Variants in DGKD observed in about 807,000 individuals in gnomAD.
The protein encoded by DGKD is DAG kinase delta.
DGKD carries 68 observed loss-of-function variants against 154.4 expected under a neutral mutation model. The ratio of observed to expected loss-of-function variants is 0.44; its 90% CI spans 0.36 to 0.54. The LOEUF is 0.54. Ranked by LOEUF, DGKD falls within the 20% of genes least tolerant of loss-of-function variation. The probability of loss-of-function intolerance (pLI) is 0.00; values close to 1 mark genes in which losing one functional copy is unlikely to be tolerated. For synonymous variants in DGKD, 693 were observed against 638.0 expected (o/e 1.09, Z -1.30); for missense variants, 1,343 against 1,593.6 (o/e 0.84, Z 2.68).
rs772152579 is a variant in DGKD at position 233,388,275 on chromosome 2, A to T, written c.175A>T (p.Met59Leu). 1.2e-6 allele frequency: 2 copies of T among 1,613,936 alleles called. No homozygotes were observed. Among genetic ancestry groups the T allele is most frequent in the Non-Finnish European group, 8.5e-7 (1 of 1,179,968 alleles). ...IRQKTIIKEG[M>L]LTKQNNSFQR... is the part of the protein sequence containing the mutation. ...CTTTCAGACCATCATCAAAGAGGGG[A>T]TGCTGACCAAACAGAACAATTCATT... The change falls in exon 2 of 30, where the codon ATG becomes TTG. Residue 59 changes from methionine (M) to leucine (L), a missense_variant. Transcript: ENST00000264057.
At chr2:233,408,455 G>C (rs986370768) in intron 3 of DGKD, among the ~76,000 whole-genome samples, 1 of 152,380 alleles carries the variant, frequency 6.6e-6, no homozygotes, top group Non-Finnish European at 1.5e-5. Flanking sequence ...GTCCTCTTGA[G>C]TGTGAAGTGT....
chr2:233,387,132 C>T (rs1703232614), intron 1 of DGKD, among the ~76,000 whole-genome samples: 1 of 152,224 alleles, frequency 6.6e-6, no homozygotes, highest in Admixed American at 6.5e-5. Context: ...GGGACATGAG[C>T]CTCCTGTGTC....
At chr2:233,400,159 G>C (rs1384298556) in intron 3 of DGKD, among the ~76,000 whole-genome samples, 4 of 152,186 alleles carry the variant, frequency 2.6e-5, no homozygotes, top group Non-Finnish European at 5.9e-5. Context: ...ATGGTGGCTG[G>C]TGTCAGAGTC....
In DGKD at chr2:233,457,713, C is replaced by G; in HGVS notation, c.2580+385C>G. ...AATTGCACAGATGAAGGCTCAGAGT[C>G]AAGACAGGGCAGGCACATGGAGGAT... is the stretch of plus-strand genomic sequence containing the variant. On this transcript the variant is annotated intron_variant, in intron 21 of 29. Coordinates refer to ENST00000264057, the MANE Select transcript of DGKD (RefSeq NM_152879.3). The surrounding 1 kb of genome is among the most constrained non-coding windows in gnomAD (Gnocchi z 5.5). The G allele has an allele frequency of 2.5e-6, 1 of 396,978 alleles. No individual in the cohort carries two copies. Among genetic ancestry groups the G allele is most frequent in the East Asian group, 7.0e-5 (1 of 14,326 alleles). 24.6% of individuals were successfully genotyped at this position (396,978 alleles called of 1,614,324 possible).
At chr2:233,436,176 A>G in intron 6 of DGKD, 140 bp from the exon 7 acceptor site, 1 of 1,409,998 alleles carries the variant, frequency 7.1e-7, no homozygotes, top group Non-Finnish European at 9.7e-7. Flanking sequence ...AGGCCCTGCC[A>G]TCCCTTCCCT....
Position 233,366,563 on chromosome 2 carries a change from C to T in DGKD, c.156+11889C>T, listed in dbSNP as rs77958252. Among the ~76,000 whole-genome samples the T allele has an allele frequency of 5.0e-3, 754 of 152,252 alleles. 10 individuals carry two copies. Among genetic ancestry groups the T allele is most frequent in the African/African-American group, 0.017 (711 of 41,534 alleles). On this transcript the variant is annotated intron_variant, in intron 1 of 29. Coordinates refer to ENST00000264057, the MANE Select transcript of DGKD (RefSeq NM_152879.3). ...TTACCTGGCTCTGCTGCATGCTATC[C>T]TGGAACCTCTTATTCTCCACTACCC...
intron 3 of DGKD, among the ~76,000 whole-genome samples, chr2:233,414,020 CG>C (rs2061895432): frequency 6.6e-6 from 1 of 152,038 alleles, no homozygotes; most frequent in African/African-American, 2.4e-5. Flanking sequence ...AATTAGGAAG[CG>C]GGGGTTCTAG....
At chr2:233,460,089 A>G (rs1216838647) in intron 23 of DGKD, 105 bp from the exon 24 acceptor site, 3 of 1,490,958 alleles carry the variant, frequency 2.0e-6, no homozygotes, top group Non-Finnish European at 1.8e-6. Flanking sequence ...AAAAAGTCCT[A>G]TTTGTCTCTT....
At chr2:233,443,189 C>T (rs574574138) in intron 10 of DGKD, among the ~76,000 whole-genome samples, 1 of 152,332 alleles carries the variant, frequency 6.6e-6, no homozygotes, top group South Asian at 2.1e-4. Context: ...CCAAGCTGTT[C>T]ATCTCTTTAG....
intron 1 of DGKD, among the ~76,000 whole-genome samples, chr2:233,369,036 T>C (rs1702181708): frequency 6.6e-6 from 1 of 152,232 alleles, no homozygotes; most frequent in African/African-American, 2.4e-5. Flanking sequence ...TTTCCTTTTT[T>C]GGATTGGCTT....
intron 1 of DGKD, among the ~76,000 whole-genome samples, chr2:233,362,489 A>G (rs1185915127): frequency 6.6e-6 from 1 of 152,150 alleles, no homozygotes; most frequent in Non-Finnish European, 1.5e-5. Context: ...TGTGTCTACT[A>G]AAAGTACAAA....
chr2:233,395,564 CTTTCTTTTCT>C (rs201590976), intron 3 of DGKD, among the ~76,000 whole-genome samples: 4,879 of 151,568 alleles, frequency 0.032, 117 homozygotes, highest in Non-Finnish European at 0.056. Context: ...TTTCTTTTTC[CTTTCTTTTCT>C]TTTCTTTTTT....
chr2:233,376,501 C>T (rs980902827), intron 1 of DGKD, among the ~76,000 whole-genome samples: 1 of 152,124 alleles, frequency 6.6e-6, no homozygotes, highest in South Asian at 2.1e-4. Flanking sequence ...TCCATAAATA[C>T]TGATTATTTC....
chr2:233,442,688 C>T (rs1011376781), intron 10 of DGKD: 2 of 157,768 alleles, frequency 1.3e-5, no homozygotes, highest in African/African-American at 4.8e-5. Flanking sequence ...TCACTACAAC[C>T]TCTGCCTCCC....
At chr2:233,461,445 C>T (rs1559180188) in intron 24 of DGKD, among the ~76,000 whole-genome samples, 1 of 152,256 alleles carries the variant, frequency 6.6e-6, no homozygotes, top group East Asian at 1.9e-4. Flanking sequence ...TCATCACCGG[C>T]GTTCCTCGCT....
intron 1 of DGKD, among the ~76,000 whole-genome samples, chr2:233,378,198 G>T (rs1702689350): frequency 6.6e-6 from 1 of 151,744 alleles, no homozygotes. Flanking sequence ...TGGATTGCCT[G>T]AGCTCAGGAG....
At chr2:233,388,028 C>G in intron 1 of DGKD, 2 of 930,412 alleles carry the variant, frequency 2.1e-6, no homozygotes, top group Admixed American at 7.0e-5. Flanking sequence ...TCTTGACACC[C>G]CCACCCACAC....
Position 233,458,180 on chromosome 2 carries a change from G to A in DGKD, c.2581-104G>A, listed in dbSNP as rs191352198. 1.1e-4 allele frequency: 70 copies of A among 666,054 alleles called. 1 individual carries two copies. The highest frequency in any genetic ancestry group is 7.7e-4 in the South Asian group (38 of 49,496). The allele number at this position is 666,054 out of a possible 1,614,324, so 41.3% of individuals were successfully genotyped here. ...GAGTGCAGTTACCTGGTAACTTCTC[G>A]CCAGCTAGGAGGGGCTGACCCCCAG... On this transcript the variant is annotated intron_variant, in intron 21 of 29. Coordinates refer to ENST00000264057, the MANE Select transcript of DGKD (RefSeq NM_152879.3). The surrounding 1 kb of genome is among the most constrained non-coding windows in gnomAD (Gnocchi z 6.6).
chr2:233,448,252 G>A, intron 13 of DGKD, 24 bp from the exon 14 acceptor site: 1 of 1,614,150 alleles, frequency 6.2e-7, no homozygotes. Flanking sequence ...CTCTAGAAGG[G>A]TCTTTCTGTT....
Sources: gnomAD v4.1 joint callset for allele counts (sites outside exome capture counted in the v4.1 genomes callset) on GRCh38, gnomAD v4.1.1 for gene constraint, Gnocchi (gnomAD v3.1) non-coding constraint, MANE v1.5 for transcripts, NCBI Gene and HGNC (gene_info 2026-07-23, HGNC 2026-07-21) for gene names.